SPEG: variants seen among roughly 807,000 people sequenced by gnomAD.
SPEG encodes the protein striated muscle preferentially expressed protein kinase.
In SPEG, 114 loss-of-function variants were observed where a neutral mutation model predicts 300.4. The ratio of observed to expected loss-of-function variants is 0.38; its 90% CI spans 0.33 to 0.44. SPEG has a LOEUF of 0.44. SPEG is among the 20% of genes least tolerant of loss of function. The pLI, the probability that SPEG is intolerant of heterozygous loss-of-function variation, is 1.00. For synonymous variants in SPEG, 1,964 were observed against 2,018.9 expected, an observed-to-expected ratio of 0.97 and a Z score of 0.73; for missense variants, 4,201 against 4,586.2, an observed-to-expected ratio of 0.92 and a Z score of 2.43.
chr2:219,435,433 G>A (rs1954691992), intron 1 of SPEG, 68 bp downstream of exon 1: 5 of 1,450,704 alleles, frequency 3.4e-6, no homozygotes, highest in Admixed American at 4.8e-5. Context: ...GGCTGCCCAG[G>A]CCACGCGGGT....
At position 219,444,912 on chromosome 2, in the gene SPEG, G is replaced by C. The variant is rs1349760689; in HGVS notation, c.566G>C (p.Gly189Ala). Residue 189 changes from glycine to alanine, a missense_variant, in exon 3 of 41, where the codon GGC becomes GCC. Physicochemically the swap from Gly to Ala is moderately conservative, Grantham distance 60. Around this residue, in one of 4 missense-constraint regions of SPEG, gnomAD observed 1,258 missense variants for 1,293.9 expected, o/e 0.97. Coordinates refer to ENST00000312358, the MANE Select transcript of SPEG (RefSeq NM_005876.5). The surrounding 1 kb of genome is among the most constrained non-coding windows in gnomAD (Gnocchi z 7.8). ...TCAGAGGAGCAAGTGAGCTGGTGGG[G>C]CAGCGGGCAGACGGTCCTGGAGCAG... ...GTSEEQVSWW[G>A]SGQTVLEQEA... is the part of the protein sequence containing the mutation. The C allele has an allele frequency of 6.3e-7, 1 of 1,575,696 alleles. No homozygotes were observed. Among genetic ancestry groups the C allele is most frequent in the Non-Finnish European group, 8.6e-7 (1 of 1,161,000 alleles).
Position 219,445,906 on chromosome 2 carries a change from C to T in SPEG, c.815+745C>T, listed in dbSNP as rs892025763. ...TTGTCCCAGGAGGGGGTGTGAGGAG[C>T]GGAGGTGTTGGAGGCACTGGAGCCA... On this transcript the variant is annotated intron_variant, in intron 3 of 40. Transcript: ENST00000312358. This position sits in a 1 kb window ranked among gnomAD's most constrained non-coding sequence, Gnocchi z 6.1. Among the ~76,000 whole-genome samples, 3 of 151,762 alleles carry T rather than the reference C, an allele frequency of 2.0e-5. No individual in the cohort carries two copies. Among genetic ancestry groups the T allele is most frequent in the South Asian group, 4.2e-4 (2 of 4,792 alleles).
At position 219,461,264 on chromosome 2, in the gene SPEG, C is replaced by T. The variant is rs147535928; in HGVS notation, c.2441-618C>T. 62 of 985,744 alleles carry T rather than the reference C, an allele frequency of 6.3e-5. No homozygotes were observed. In the African/African-American group the frequency reaches 9.4e-4, roughly 15 times the overall value. 61.1% of individuals were successfully genotyped at this position (985,744 alleles called of 1,614,324 possible). On this transcript the variant is annotated intron_variant, in intron 6 of 40. Transcript: ENST00000312358. ...CAGCTCTGCTTTCCTATCCCTCGAG[C>T]GTTTGGGGGTGCAAGCTGTAGGGCT...
At chr2:219,469,481 G>A (rs566415005) in intron 13 of SPEG, 102 bp downstream of exon 13, 2 of 962,206 alleles carry the variant, frequency 2.1e-6, no homozygotes, top group Non-Finnish European at 3.1e-6. Context: ...TTCCTCTGTA[G>A]CCTGACCAGG....
chr2:219,479,572 A>T lies in SPEG; in HGVS notation c.5086-211A>T, dbSNP rs540720731. 6.6e-6 allele frequency among the ~76,000 whole-genome samples: 1 copy of T among 152,072 alleles called. No homozygotes were observed. The highest frequency in any genetic ancestry group is 2.1e-4 in the South Asian group (1 of 4,824). On this transcript the variant is annotated intron_variant, in intron 23 of 40. Transcript: ENST00000312358. The surrounding 1 kb of genome is among the most constrained non-coding windows in gnomAD (Gnocchi z 5.5). ...TGTTGTGCACTGCACAATTCTACTT[A>T]TTACCACGCAATGGCTCCTCCCTAT...
chr2:219,462,776 G>A (rs1046217828), intron 8 of SPEG, among the ~76,000 whole-genome samples: 3 of 152,260 alleles, frequency 2.0e-5, no homozygotes, highest in Non-Finnish European at 4.4e-5. Flanking sequence ...AAATTAGCCA[G>A]ATGTGGTGGT....
intron 4 of SPEG, among the ~76,000 whole-genome samples, chr2:219,450,071 G>A (rs10173990): frequency 8.3e-4 from 127 of 152,276 alleles, no homozygotes; most frequent in African/African-American, 3.0e-3. Flanking sequence ...GGGAGACCCT[G>A]CCAGGATCTC....
At chr2:219,456,802 G>C (rs1385927222) in intron 6 of SPEG, among the ~76,000 whole-genome samples, 1 of 151,864 alleles carries the variant, frequency 6.6e-6, no homozygotes, top group African/African-American at 2.4e-5. Flanking sequence ...CCAGCTACTT[G>C]GGAGGCTGAG....
intron 1 of SPEG, among the ~76,000 whole-genome samples, chr2:219,440,416 T>C (rs572907777): frequency 1.3e-5 from 2 of 151,440 alleles, no homozygotes; most frequent in African/African-American, 4.9e-5. Context: ...TAAAATAAGA[T>C]AAAGGGGCCA....
At chr2:219,440,743 T>C (rs1954840895) in intron 1 of SPEG, among the ~76,000 whole-genome samples, 1 of 152,194 alleles carries the variant, frequency 6.6e-6, no homozygotes, top group South Asian at 2.1e-4. Context: ...TTATTGGCCA[T>C]GTGACCTTGG....
At chr2:219,491,943 CCT>C (rs1694012211) in intron 39 of SPEG, 74 bp downstream of exon 39, 19 of 1,412,172 alleles carry the variant, frequency 1.3e-5, no homozygotes, top group Non-Finnish European at 1.7e-5. Context: ...CTGCCAACAC[CCT>C]CTCCCCCGTG....
At chr2:219,460,520 G>A in intron 6 of SPEG, 1 of 985,466 alleles carries the variant, frequency 1.0e-6, no homozygotes, top group Non-Finnish European at 1.2e-6. Context: ...CTTGCTCGGG[G>A]ACGGAGGCCC....
At chr2:219,470,409 TC>T (rs1333410204) in intron 13 of SPEG, among the ~76,000 whole-genome samples, 4 of 152,118 alleles carry the variant, frequency 2.6e-5, no homozygotes, top group Admixed American at 6.5e-5. Flanking sequence ...GCCCACAGCC[TC>T]CCATGACTGT....
At position 219,451,667 on chromosome 2, in the gene SPEG, G is replaced by T. The variant is rs749288521; in HGVS notation, c.2300G>T (p.Arg767Leu). 1.3e-6 allele frequency: 2 copies of T among 1,587,488 alleles called. No individual in the cohort carries two copies. The highest frequency in any genetic ancestry group is 1.7e-5 in the Admixed American group (1 of 57,176). Residue 767 changes from arginine to leucine, a missense_variant, in exon 6 of 41, where the codon CGC becomes CTC. Arg to Leu is a moderately radical substitution (Grantham distance 102). Around this residue, in one of 4 missense-constraint regions of SPEG, gnomAD observed 1,258 missense variants for 1,293.9 expected, o/e 0.97. Coordinates refer to ENST00000312358, the MANE Select transcript of SPEG (RefSeq NM_005876.5). The surrounding 1 kb of genome is among the most constrained non-coding windows in gnomAD (Gnocchi z 6.4). ...GGGTCAGCGCTGCGCAGCGAGGGCC[G>T]CCTCCTCCTCCGGGCTGAGGGTGAG... ...KDGSALRSEG[R>L]LLLRAEGERH... is the part of the protein sequence containing the mutation.
rs1263387453 is a variant in SPEG, at chr2:219,448,889, G to A, written c.1731G>A (p.Ala577=). The part of the protein sequence containing the change: ...EPGRPRSRGP[A]GRTEPGEGPQ... ...GGAGGCCCAGGAGCCGCGGGCCGGC[G>A]GGCAGGACAGAGCCGGGGGAAGGCC... is the stretch of plus-strand genomic sequence containing the variant. Residue 577 remains alanine (A), a synonymous_variant, in exon 4 of 41, where the codon GCG becomes GCA. Transcript: ENST00000312358. 7.0e-7 allele frequency: 1 copy of A among 1,430,230 alleles called. No homozygotes were observed. 88.6% of individuals were successfully genotyped at this position (1,430,230 alleles called of 1,614,324 possible). A position where few individuals can be genotyped will look rare whatever the true frequency, so the allele number is the denominator to read the frequency against.
At chr2:219,461,394 G>A in intron 6 of SPEG, 1 of 1,002,154 alleles carries the variant, frequency 1.0e-6, no homozygotes, top group Non-Finnish European at 1.2e-6. Flanking sequence ...ACCGAGGTCG[G>A]GATGTGACTT....
intron 10 of SPEG, 70 bp downstream of exon 10, chr2:219,467,504 C>T (rs1002922987): frequency 2.7e-5 from 41 of 1,513,636 alleles, no homozygotes; most frequent in Non-Finnish European, 2.9e-5. Flanking sequence ...TGGGGGTGTA[C>T]AGTAAGATGC....
intron 9 of SPEG, chr2:219,465,499 CCTG>C (rs1559389776): frequency 6.3e-6 from 1 of 157,842 alleles, no homozygotes; most frequent in African/African-American, 2.4e-5. Context: ...TCCTCCCCGG[CCTG>C]CTTTCTCTCC....
intron 1 of SPEG, chr2:219,441,881 G>A (rs1278018890): frequency 4.7e-5 from 10 of 210,996 alleles, no homozygotes; most frequent in Non-Finnish European, 9.3e-5. Flanking sequence ...CGCTGCTGCC[G>A]CCGCCGTCGC....
Sources: allele counts gnomAD v4.1 joint callset (sites outside exome capture counted in the v4.1 genomes callset), GRCh38; gene constraint gnomAD v4.1.1; regional missense constraint gnomAD v4.1.1; non-coding constraint Gnocchi (gnomAD v3.1); transcripts MANE v1.5; gene names NCBI Gene and HGNC (gene_info 2026-07-23, HGNC 2026-07-21).